The following SPHKAP variants were observed in gnomAD, a reference collection of about 807,000 sequenced individuals.
SPHKAP encodes the protein SPHK1 interactor, AKAP domain containing.
SPHKAP carries 67 observed loss-of-function variants against 137.5 expected under a neutral mutation model. The ratio of observed to expected loss-of-function variants is 0.49; its 90% CI spans 0.40 to 0.60. The LOEUF is 0.60. Ranked by LOEUF, SPHKAP falls within the 20% of genes least tolerant of loss-of-function variation. The probability of loss-of-function intolerance (pLI) is 0.00; values close to 1 mark genes in which losing one functional copy is unlikely to be tolerated. For synonymous variants in SPHKAP, 813 were observed against 785.3 expected (o/e 1.04, Z -0.59); for missense variants, 2,097 against 2,069.3 (o/e 1.01, Z -0.26).
At chr2:228,024,809 T>C (rs1046886145) in intron 5 of SPHKAP, among the ~76,000 whole-genome samples, 1 of 152,206 alleles carries the variant, frequency 6.6e-6, no homozygotes, top group Admixed American at 6.5e-5. Context: ...AATAATGTTA[T>C]AGTGATTTAT....
chr2:228,154,715 A>ATTT lies in SPHKAP; in HGVS notation c.33-22633_33-22631dup, dbSNP rs35636905. On this transcript the variant is annotated intron_variant, in intron 1 of 11. Coordinates refer to ENST00000392056, the MANE Select transcript of SPHKAP (RefSeq NM_001142644.2). ...AGGCGCCTGCCACCATGCCTGGCTAATTTTTTTTTTTTTTTTTGTATTTTC... is the reference window on the plus strand; with the variant it reads ...AGGCGCCTGCCACCATGCCTGGCTAATTTTTTTTTTTTTTTTTTTTGTATTTTC... Among the ~76,000 whole-genome samples, 232 of 115,122 alleles carry ATTT rather than the reference A, an allele frequency of 2.0e-3. 1 individual carries two copies. Among genetic ancestry groups the ATTT allele is most frequent in the African/African-American group, 6.0e-3 (180 of 30,246 alleles). The allele number at this position is 115,122 out of a possible 152,430, so 75.5% of individuals were successfully genotyped here.
intron 3 of SPHKAP, among the ~76,000 whole-genome samples, chr2:228,039,141 C>T (rs966503768): frequency 2.0e-5 from 3 of 152,300 alleles, no homozygotes; most frequent in African/African-American, 7.2e-5. Flanking sequence ...TGTTTGTGCA[C>T]GTGTCCTTAC....
In SPHKAP at chr2:228,114,066, G is replaced by C. The variant is rs763808564; in HGVS notation, c.139-5127C>G. ...TATGAATATATTCTCCCTGCTGAGA[G>C]AGTTGCTTTCTGAGAAGGAAAAGAG... On this transcript the variant is annotated intron_variant, in intron 2 of 11. Coordinates refer to ENST00000392056, the MANE Select transcript of SPHKAP (RefSeq NM_001142644.2). Among the ~76,000 whole-genome samples, 4 of 152,150 alleles carry C rather than the reference G, an allele frequency of 2.6e-5. No individual in the cohort carries two copies. The East Asian group carries it at 5.8e-4, about 22-fold the overall frequency.
intron 1 of SPHKAP, among the ~76,000 whole-genome samples, chr2:228,154,512 C>CTCTCTA (rs1393941364): frequency 7.3e-3 from 160 of 22,060 alleles, no homozygotes; most frequent in East Asian, 0.028. Flanking sequence ...CTCTCTCTCT[C>CTCTCTA]TATATATATA....
intron 3 of SPHKAP, among the ~76,000 whole-genome samples, chr2:228,058,817 T>C (rs1234692193): frequency 6.6e-6 from 1 of 152,256 alleles, no homozygotes; most frequent in Non-Finnish European, 1.5e-5. Context: ...AATTTACATG[T>C]AGCATAGCTC....
At chr2:228,008,586 C>T (rs2106193653) in intron 7 of SPHKAP, among the ~76,000 whole-genome samples, 1 of 152,244 alleles carries the variant, frequency 6.6e-6, no homozygotes, top group South Asian at 2.1e-4. Context: ...TAAGCCACTG[C>T]TCCCAGCCAT....
At chr2:227,994,256 T>TA (rs980760642) in intron 8 of SPHKAP, 1 of 168,654 alleles carries the variant, frequency 5.9e-6, no homozygotes, top group African/African-American at 2.4e-5. Context: ...TGGTACCTTT[T>TA]TTACTGTAGA....
intron 5 of SPHKAP, chr2:228,022,216 C>T (rs1286001590): frequency 1.0e-6 from 1 of 984,776 alleles, no homozygotes; most frequent in African/African-American, 1.8e-5. Flanking sequence ...TTTTAATTTC[C>T]CTTGGTCAAA....
At chr2:228,030,578 A>G (rs1695270190) in intron 3 of SPHKAP, among the ~76,000 whole-genome samples, 1 of 150,882 alleles carries the variant, frequency 6.6e-6, no homozygotes, top group Non-Finnish European at 1.5e-5. Flanking sequence ...AAATATTCTA[A>G]ATTAGGTGTG....
intron 3 of SPHKAP, among the ~76,000 whole-genome samples, chr2:228,089,532 A>G (rs1574838829): frequency 6.6e-6 from 1 of 152,216 alleles, no homozygotes; most frequent in Admixed American, 6.5e-5. Context: ...TGCTAAAGAG[A>G]TTAGCATGAC....
At chr2:228,091,602 G>T (rs1312915615) in intron 3 of SPHKAP, among the ~76,000 whole-genome samples, 1 of 152,064 alleles carries the variant, frequency 6.6e-6, no homozygotes, top group Non-Finnish European at 1.5e-5. Flanking sequence ...TGAAAAGTGT[G>T]CTAAGGACAT....
intron 7 of SPHKAP, among the ~76,000 whole-genome samples, chr2:228,002,416 T>G (rs1693944802): frequency 6.6e-6 from 1 of 152,226 alleles, no homozygotes; most frequent in Admixed American, 6.5e-5. Flanking sequence ...TTGATGAGGT[T>G]GTTTTTTTTC....
intron 1 of SPHKAP, among the ~76,000 whole-genome samples, chr2:228,163,282 T>C (rs1700328991): frequency 6.6e-6 from 1 of 151,744 alleles, no homozygotes; most frequent in African/African-American, 2.4e-5. Context: ...GCCAACTGAG[T>C]GGCATGGGGA....
chr2:228,114,339 G>C (rs555755123), intron 2 of SPHKAP, among the ~76,000 whole-genome samples: 47 of 152,178 alleles, frequency 3.1e-4, no homozygotes, highest in African/African-American at 1.0e-3. Flanking sequence ...TAGACAGAGA[G>C]GGAGAAATAG....
chr2:228,015,574 T>C (rs558623739), intron 7 of SPHKAP, among the ~76,000 whole-genome samples: 1 of 152,270 alleles, frequency 6.6e-6, no homozygotes, highest in Admixed American at 6.5e-5. Flanking sequence ...ATATAAGGTG[T>C]AAAAGGAATG....
intron 3 of SPHKAP, among the ~76,000 whole-genome samples, chr2:228,038,462 G>A (rs1695718611): frequency 6.6e-6 from 1 of 152,158 alleles, no homozygotes; most frequent in African/African-American, 2.4e-5. Context: ...GAGCTGGAGA[G>A]AAACCTGTCA....
chr2:228,109,956 CA>C (rs11440513), intron 2 of SPHKAP, among the ~76,000 whole-genome samples: 1,545 of 56,172 alleles, frequency 0.028, 2 homozygotes, highest in African/African-American at 0.034. Flanking sequence ...GAAAATGTCT[CA>C]AAAAAAAAAA....
chr2:228,171,428 C>G (rs1211194707), intron 1 of SPHKAP, among the ~76,000 whole-genome samples: 1 of 152,106 alleles, frequency 6.6e-6, no homozygotes, highest in Admixed American at 6.5e-5. Flanking sequence ...GAGAATAGCA[C>G]TTGCTATTTA....
At chr2:228,128,400 T>G (rs1389096723) in intron 2 of SPHKAP, among the ~76,000 whole-genome samples, 1 of 152,192 alleles carries the variant, frequency 6.6e-6, no homozygotes, top group Non-Finnish European at 1.5e-5. Flanking sequence ...ATTCAGTCAT[T>G]CTTCAGGCCC....
Sources: allele counts gnomAD v4.1 joint callset (sites outside exome capture counted in the v4.1 genomes callset), GRCh38; gene constraint gnomAD v4.1.1; transcripts MANE v1.5; gene names NCBI Gene and HGNC (gene_info 2026-07-23, HGNC 2026-07-21).